The following KSR2 variants were observed in gnomAD, a reference collection of about 807,000 sequenced individuals.
KSR2 encodes the protein kinase suppressor of ras 2.
Under a neutral mutation model 107.8 loss-of-function variants are expected in KSR2, and 25 were observed. The ratio of observed to expected loss-of-function variants is 0.23; its 90% confidence interval spans 0.17 to 0.32. The LOEUF is 0.32. KSR2 is among the 10% of genes least tolerant of loss of function. KSR2 has a pLI of 1.00. For missense variants in KSR2, 887 were observed against 1,268.9 expected, an observed-to-expected ratio of 0.70 and a Z score of 4.57; for synonymous variants, 480 against 507.0, an observed-to-expected ratio of 0.95 and a Z score of 0.71.
chr12:117,485,150 A>T (rs558149819), intron 15 of KSR2, among the ~76,000 whole-genome samples: 3 of 152,198 alleles, frequency 2.0e-5, no homozygotes, highest in Admixed American at 6.5e-5. Flanking sequence ...CAACTGACTA[A>T]TAAGGCCCCT....
At chr12:117,793,055 TGCAC>T (rs1171946158) in intron 3 of KSR2, among the ~76,000 whole-genome samples, 1 of 133,440 alleles carries the variant, frequency 7.5e-6, no homozygotes, top group African/African-American at 3.0e-5. Context: ...CACATCAACA[TGCAC>T]ACACACCAAC....
chr12:117,914,296 G>C (rs955714382), intron 1 of KSR2, among the ~76,000 whole-genome samples: 6 of 152,018 alleles, frequency 3.9e-5, no homozygotes, highest in Non-Finnish European at 8.8e-5. Context: ...AGGCGTGGTG[G>C]CACACACCTG....
rs79991078 is a variant in KSR2 at position 117,465,188 on chromosome 12, C to T, written c.*2011G>A. On this transcript the variant is annotated 3_prime_UTR_variant, in exon 20 of 20. Transcript: ENST00000339824. ...GCCAAGACAGGTGCAAGTCCAGGCC[C>T]AGGGCTGGGACACAGAGTGTTGTGT... 8.9e-3 allele frequency: 1,355 copies of T among 152,424 alleles called. 9 individuals carry two copies. The highest frequency in any genetic ancestry group is 0.016 in the African/African-American group (647 of 41,556). 9.4% of individuals were successfully genotyped at this position (152,424 alleles called of 1,614,324 possible).
At chr12:117,949,473 A>G (rs1427950151) in intron 1 of KSR2, among the ~76,000 whole-genome samples, 1 of 152,236 alleles carries the variant, frequency 6.6e-6, no homozygotes. Context: ...AGACAAAGCT[A>G]TGGTAAAGGA....
chr12:117,965,058 G>A (rs552477647), intron 1 of KSR2, among the ~76,000 whole-genome samples: 17 of 152,076 alleles, frequency 1.1e-4, no homozygotes, highest in Non-Finnish European at 2.1e-4. Flanking sequence ...CCCACTTCCC[G>A]GGCTCCCTTG....
chr12:117,857,227 T>C (rs1893133502), intron 2 of KSR2, among the ~76,000 whole-genome samples: 1 of 151,968 alleles, frequency 6.6e-6, no homozygotes, highest in Non-Finnish European at 1.5e-5. Flanking sequence ...CCTGGCTAAT[T>C]TTTAAATTTT....
intron 1 of KSR2, among the ~76,000 whole-genome samples, chr12:117,963,638 T>C (rs1364431499): frequency 6.6e-6 from 1 of 152,102 alleles, no homozygotes; most frequent in Non-Finnish European, 1.5e-5. Flanking sequence ...TACTTTTCTA[T>C]TGTATGCATT....
intron 4 of KSR2, among the ~76,000 whole-genome samples, chr12:117,684,698 A>T (rs1033273651): frequency 1.3e-5 from 2 of 152,202 alleles, no homozygotes; most frequent in African/African-American, 4.8e-5. Flanking sequence ...TCTCTGTGTC[A>T]CATGCCAGGG....
chr12:117,587,579 G>C (rs1280878661), intron 5 of KSR2, among the ~76,000 whole-genome samples: 1 of 152,128 alleles, frequency 6.6e-6, no homozygotes, highest in Non-Finnish European at 1.5e-5. Flanking sequence ...GTTGTTTTCA[G>C]CCGCTGAGTT....
intron 7 of KSR2, among the ~76,000 whole-genome samples, chr12:117,571,704 A>G (rs923150276): frequency 1.3e-5 from 2 of 152,166 alleles, no homozygotes; most frequent in African/African-American, 4.8e-5. Flanking sequence ...AGGGAAGAAT[A>G]AGGCTCAAGC....
At position 117,464,382 on chromosome 12, in the gene KSR2, A is replaced by T. The variant is rs1212487560; in HGVS notation, c.*2817T>A. On this transcript the variant is annotated 3_prime_UTR_variant, in exon 20 of 20. Transcript: ENST00000339824. ...TACAGGGCACCTGTGTGCAGCTGTG[A>T]TGGGACAAGGGCAAACACACAAATC... is the stretch of plus-strand genomic sequence containing the variant. 2.0e-5 allele frequency: 3 copies of T among 152,242 alleles called. No individual in the cohort carries two copies. The highest frequency in any genetic ancestry group is 7.2e-5 in the African/African-American group (3 of 41,466). 9.4% of individuals were successfully genotyped at this position (152,242 alleles called of 1,614,324 possible). A position where few individuals can be genotyped will look rare whatever the true frequency, so the allele number is the denominator to read the frequency against.
At chr12:117,714,944 T>C (rs1023830539) in intron 4 of KSR2, among the ~76,000 whole-genome samples, 7 of 152,180 alleles carry the variant, frequency 4.6e-5, no homozygotes, top group African/African-American at 1.7e-4. Flanking sequence ...CCCCATCATG[T>C]GTCCTGGCTT....
intron 19 of KSR2, among the ~76,000 whole-genome samples, 192 bp downstream of exon 19, chr12:117,469,470 A>C (rs909124935): frequency 7.9e-5 from 12 of 152,172 alleles, no homozygotes; most frequent in Admixed American, 5.2e-4. Flanking sequence ...CCCACAGGAC[A>C]GACTCCAGCA....
rs544275419 is a variant in KSR2, at chr12:117,484,460, C to T, written c.2406G>A (p.Thr802=). ...CAGAAATGCTGAAGAGTCCAAAGTCCGTGATGACCACTTTGCCGTTGTCAT... is the reference window on the plus strand; with the variant it reads ...CAGAAATGCTGAAGAGTCCAAAGTCTGTGATGACCACTTTGCCGTTGTCAT... ...VFYDNGKVVI[T]DFGLFSISGV... is the part of the protein sequence containing the mutation. Residue 802 remains threonine, a synonymous_variant, in exon 16 of 20, where the codon ACG becomes ACA. Coordinates refer to ENST00000339824, the MANE Select transcript of KSR2 (RefSeq NM_173598.6). The T allele has an allele frequency of 3.0e-5, 48 of 1,613,986 alleles. No individual in the cohort carries two copies. Among genetic ancestry groups the T allele is most frequent in the East Asian group, 8.9e-5 (4 of 44,886 alleles).
At chr12:117,913,637 C>T (rs538806469) in intron 1 of KSR2, among the ~76,000 whole-genome samples, 1 of 152,234 alleles carries the variant, frequency 6.6e-6, no homozygotes, top group South Asian at 2.1e-4. Context: ...GAAGCAGCCA[C>T]AAGCCAAGGA....
At chr12:117,868,422 C>CA (rs200898458) in intron 1 of KSR2, among the ~76,000 whole-genome samples, 7,318 of 125,698 alleles carry the variant, frequency 0.058, 554 homozygotes, top group East Asian at 0.34. Context: ...GACTCTGTCT[C>CA]AAAAAAAAAA....
intron 1 of KSR2, among the ~76,000 whole-genome samples, chr12:117,912,048 T>A (rs1895032438): frequency 6.6e-6 from 1 of 152,256 alleles, no homozygotes; most frequent in African/African-American, 2.4e-5. Flanking sequence ...CCGACTTGCA[T>A]CATTCTGGTT....
chr12:117,657,791 T>C (rs981586093), intron 5 of KSR2, among the ~76,000 whole-genome samples: 1 of 152,236 alleles, frequency 6.6e-6, no homozygotes, highest in African/African-American at 2.4e-5. Context: ...CGTTGCTATC[T>C]ATTCAAAACT....
chr12:117,662,776 C>T (rs970893152), intron 5 of KSR2, among the ~76,000 whole-genome samples: 41 of 152,204 alleles, frequency 2.7e-4, no homozygotes, highest in African/African-American at 9.9e-4. Context: ...AAGCCCCACC[C>T]AGAGTTTCCA....
Sources: gnomAD v4.1 joint callset for allele counts (sites outside exome capture counted in the v4.1 genomes callset) on GRCh38, gnomAD v4.1.1 for gene constraint, MANE v1.5 for transcripts, NCBI Gene and HGNC (gene_info 2026-07-23, HGNC 2026-07-21) for gene names.